The following STKLD1 variants were observed in gnomAD, a reference collection of about 807,000 sequenced individuals.
STKLD1 encodes the protein serine/threonine kinase like domain containing 1.
STKLD1 carries 79 observed loss-of-function variants against 80.4 expected under a neutral mutation model. That is an observed-to-expected ratio of 0.98 (90% CI 0.82 to 1.19). STKLD1 has a LOEUF of 1.19. Ranked by LOEUF, STKLD1 falls within the 50% of genes most tolerant of loss-of-function variation. The pLI, the probability that STKLD1 is intolerant of heterozygous loss-of-function variation, is 0.00. For synonymous variants in STKLD1, 393 were observed against 357.6 expected (o/e 1.10, Z -1.12); for missense variants, 841 against 856.0 (o/e 0.98, Z 0.22).
chr9:133,398,171 T>G (rs1487327595), intron 11 of STKLD1, 116 bp downstream of exon 11: 1 of 906,050 alleles, frequency 1.1e-6, no homozygotes, highest in Non-Finnish European at 1.7e-6. Flanking sequence ...CAGTGCTTTA[T>G]TGCAGCGTGG....
At position 133,387,457 on chromosome 9, in the gene STKLD1, T is replaced by C; in HGVS notation, c.305T>C (p.Leu102Pro). ...CTCCTGTCCCAGCAGATCTCTTCTC[T>C]GTACCTCTGCCTGGTGATGGAGTTC... ...FITWNGEISS[L>P]YLCLVMEFNE... Residue 102 changes from leucine (L) to proline (P), a missense_variant, in exon 5 of 18, where the codon CTG becomes CCG. By Grantham distance (98) the Leu-to-Pro change is moderately conservative. Transcript: ENST00000371957. 6.2e-7 allele frequency: 1 copy of C among 1,613,930 alleles called. No individual in the cohort carries two copies. The highest frequency in any genetic ancestry group is 8.5e-7 in the Non-Finnish European group (1 of 1,179,872).
At chr9:133,392,350 A>T (rs1439481310) in intron 7 of STKLD1, among the ~76,000 whole-genome samples, 1 of 151,808 alleles carries the variant, frequency 6.6e-6, no homozygotes, top group African/African-American at 2.4e-5. Context: ...TACAGGCGTG[A>T]ACCACCGCAC....
rs782584850 is a variant in STKLD1, at chr9:133,399,896, A to AG, written c.1082-509dup. ...TCTGTTTCAAAAAAAAAAAAAAAAG[A>AG]GGGGGGGGTCTTGCTTCGCTCCACA... is the stretch of plus-strand genomic sequence containing the variant. On this transcript the variant is annotated intron_variant, in intron 11 of 17. Coordinates refer to ENST00000371957, the MANE Select transcript of STKLD1 (RefSeq NM_153710.5). Among the ~76,000 whole-genome samples the AG allele has an allele frequency of 3.6e-3, 487 of 134,198 alleles. 1 individual carries two copies. Among genetic ancestry groups the AG allele is most frequent in the African/African-American group, 0.01 (329 of 31,974 alleles). The allele number at this position is 134,198 out of a possible 152,430, so 88.0% of individuals were successfully genotyped here.
Position 133,384,005 on chromosome 9 carries a change from G to A in STKLD1, c.219+105G>A. On this transcript the variant is annotated intron_variant, in intron 3 of 17. Coordinates refer to ENST00000371957, the MANE Select transcript of STKLD1 (RefSeq NM_153710.5). The surrounding 1 kb of genome is among the most constrained non-coding windows in gnomAD (Gnocchi z 4.3). ...GCCTGGATGAAGAGAAGGCTGGAGGGAGGGATAGAGCATCAGCACCAGTTT... is the reference window on the plus strand; with the variant it reads ...GCCTGGATGAAGAGAAGGCTGGAGGAAGGGATAGAGCATCAGCACCAGTTT... The A allele has an allele frequency of 8.8e-7, 1 of 1,134,080 alleles. No homozygotes were observed. The highest frequency in any genetic ancestry group is 1.3e-5 in the South Asian group (1 of 79,470). 70.3% of individuals were successfully genotyped at this position (1,134,080 alleles called of 1,614,324 possible).
chr9:133,385,712 A>C lies in STKLD1; in HGVS notation c.294+21A>C. The C allele has an allele frequency of 2.5e-6, 4 of 1,609,570 alleles. No individual in the cohort carries two copies. Among genetic ancestry groups the C allele is most frequent in the Non-Finnish European group, 3.4e-6 (4 of 1,177,172 alleles). ...GGGAGGTGGGTCAGAGCTGACACCTACGGGCTCAGCCGCCACGCAGTGGGC... is the reference window on the plus strand; with the variant it reads ...GGGAGGTGGGTCAGAGCTGACACCTCCGGGCTCAGCCGCCACGCAGTGGGC... On this transcript the variant is annotated intron_variant, in intron 4 of 17. Coordinates refer to ENST00000371957, the MANE Select transcript of STKLD1 (RefSeq NM_153710.5). The surrounding 1 kb of genome is among the most constrained non-coding windows in gnomAD (Gnocchi z 4.9).
At position 133,394,689 on chromosome 9, in the gene STKLD1, T is replaced by C. The variant is rs1410145344; in HGVS notation, c.702+280T>C. 4.7e-6 allele frequency: 2 copies of C among 426,826 alleles called. No individual in the cohort carries two copies. Among genetic ancestry groups the C allele is most frequent in the South Asian group, 3.3e-5 (1 of 30,656 alleles). The allele number at this position is 426,826 out of a possible 1,614,324, so 26.4% of individuals were successfully genotyped here. A position where few individuals can be genotyped will look rare whatever the true frequency, so the allele number is the denominator to read the frequency against. ...GCCCTCCAGGTGGTGTCACTGACTC[T>C]TGATGGAGAAAAGCCAAGTTCAGGT... On this transcript the variant is annotated intron_variant, in intron 8 of 17. Transcript: ENST00000371957. The surrounding 1 kb of genome is among the most constrained non-coding windows in gnomAD (Gnocchi z 4.9).
At chr9:133,379,783 T>C (rs1287870076) in intron 2 of STKLD1, among the ~76,000 whole-genome samples, 1 of 152,048 alleles carries the variant, frequency 6.6e-6, no homozygotes. Context: ...CAAGAGTCCC[T>C]GGCATGCCCT....
chr9:133,378,354 C>A (rs1399982785), intron 1 of STKLD1, among the ~76,000 whole-genome samples: 1 of 152,214 alleles, frequency 6.6e-6, no homozygotes, highest in Admixed American at 6.5e-5. Context: ...CTCCAGCAAT[C>A]CCCGGCCCAG....
rs1554776398 is a variant in STKLD1 at position 133,394,358 on chromosome 9, C to T, written c.651C>T (p.Ile217=). 1 of 1,613,950 alleles carries T rather than the reference C, an allele frequency of 6.2e-7. No individual in the cohort carries two copies. Among genetic ancestry groups the T allele is most frequent in the Admixed American group, 1.7e-5 (1 of 60,010 alleles). The stretch of plus-strand genomic sequence containing the variant: ...TCTCCTTCAGCCAGAAATCAGACAT[C>T]TGGTCCCTGGGCTGCATCATTCTGG... ...LNFSFSQKSD[I]WSLGCIILDM... is the part of the protein sequence containing the mutation. Residue 217 remains isoleucine, a synonymous_variant, in exon 8 of 18, where the codon ATC becomes ATT. Transcript: ENST00000371957. This position sits in a 1 kb window ranked among gnomAD's most constrained non-coding sequence, Gnocchi z 4.9.
rs1161417963 is a variant in STKLD1, at chr9:133,390,058, C to T, written c.467+462C>T. On this transcript the variant is annotated intron_variant, in intron 6 of 17. Coordinates refer to ENST00000371957, the MANE Select transcript of STKLD1 (RefSeq NM_153710.5). This position sits in a 1 kb window ranked among gnomAD's most constrained non-coding sequence, Gnocchi z 5.1. ...AAAGAGGAAGAGGGAAACTATGCAG[C>T]TGGGCGTGGTGGTGCACGCCTGTGG... Among the ~76,000 whole-genome samples, 1 of 152,164 alleles carries T rather than the reference C, an allele frequency of 6.6e-6. No individual in the cohort carries two copies. The highest frequency in any genetic ancestry group is 1.9e-4 in the East Asian group (1 of 5,194).
chr9:133,395,660 G>C lies in STKLD1; in HGVS notation c.763G>C (p.Val255Leu). Residue 255 changes from valine (V) to leucine (L), a missense_variant, in exon 9 of 18, where the codon GTC becomes CTC. Transcript: ENST00000371957. The part of the protein sequence containing the change: ...LRQSPGSLKA[V>L]LKTMEEKQIP... ...CCAGAGCCCAGGCAGCCTGAAGGCC[G>C]TCCTGAAGACAATGGAGGAGAAGCA... 3 of 1,613,406 alleles carry C rather than the reference G, an allele frequency of 1.9e-6. No homozygotes were observed. The highest frequency in any genetic ancestry group is 1.7e-6 in the Non-Finnish European group (2 of 1,180,010).
intron 1 of STKLD1, among the ~76,000 whole-genome samples, chr9:133,377,085 G>C (rs1837991647): frequency 6.6e-6 from 1 of 152,190 alleles, no homozygotes; most frequent in South Asian, 2.1e-4. Flanking sequence ...CATTCGCTTG[G>C]AAACAGTTTG....
intron 2 of STKLD1, 37 bp downstream of exon 2, chr9:133,379,159 T>C: frequency 6.4e-7 from 1 of 1,569,168 alleles, no homozygotes. Context: ...TGCCGGGTGG[T>C]TCTGTGACTG....
chr9:133,389,122 C>T lies in STKLD1; in HGVS notation c.397-404C>T. 1 of 985,382 alleles carries T rather than the reference C, an allele frequency of 1.0e-6. No homozygotes were observed. The highest frequency in any genetic ancestry group is 1.2e-6 in the Non-Finnish European group (1 of 829,920). The allele number at this position is 985,382 out of a possible 1,614,324, so 61.0% of individuals were successfully genotyped here. ...TAGCATTCTCTCTCAGGGCTCTTTT[C>T]ATTTGAATGACCTAGAGGATTGAGC... On this transcript the variant is annotated intron_variant, in intron 5 of 17. Transcript: ENST00000371957. This position sits in a 1 kb window ranked among gnomAD's most constrained non-coding sequence, Gnocchi z 6.4.
intron 1 of STKLD1, 70 bp downstream of exon 1, chr9:133,376,630 G>C (rs1837965692): frequency 1.4e-5 from 19 of 1,392,650 alleles, no homozygotes; most frequent in South Asian, 8.3e-5. Context: ...AGCTACGGCC[G>C]GCGGTTCCGA....
rs2130273843 is a variant in STKLD1 at position 133,385,122 on chromosome 9, C to A, written c.220-495C>A. ...TAGGTAGGCCACCTGCTTTCATGCCCAACCTTCCACCCCAAGCAGTTGTCT... is the reference window on the plus strand; with the variant it reads ...TAGGTAGGCCACCTGCTTTCATGCCAAACCTTCCACCCCAAGCAGTTGTCT... On this transcript the variant is annotated intron_variant, in intron 3 of 17. Transcript: ENST00000371957. The surrounding 1 kb of genome is among the most constrained non-coding windows in gnomAD (Gnocchi z 4.9). Among the ~76,000 whole-genome samples, 2 of 152,232 alleles carry A rather than the reference C, an allele frequency of 1.3e-5. No individual in the cohort carries two copies. Among genetic ancestry groups the A allele is most frequent in the African/African-American group, 4.8e-5 (2 of 41,462 alleles).
Position 133,403,971 on chromosome 9 carries a change from G to C in STKLD1, c.1655G>C (p.Ser552Thr), listed in dbSNP as rs782326817. 1 of 1,611,464 alleles carries C rather than the reference G, an allele frequency of 6.2e-7. No homozygotes were observed. The change falls in exon 16 of 18, where the codon AGC becomes ACC. Residue 552 changes from serine to threonine, a missense_variant. By Grantham distance (58) the Ser-to-Thr change is moderately conservative. Transcript: ENST00000371957. Reference protein sequence around the residue: ...FEQVVALLLQSIRLCQDRALL... With the variant: ...FEQVVALLLQTIRLCQDRALL... ...CAAGTGGTGGCGCTGCTCCTGCAAA[G>C]CATCCGGCTGTGCCAGGACAGAGCC... is the stretch of plus-strand genomic sequence containing the variant.
intron 11 of STKLD1, 142 bp from the exon 12 acceptor site, chr9:133,400,271 G>A (rs1838665372): frequency 7.6e-6 from 5 of 655,880 alleles, no homozygotes; most frequent in Non-Finnish European, 1.4e-5. Flanking sequence ...TGGACCTAGC[G>A]CTAATCCTCA....
chr9:133,399,601 C>T lies in STKLD1; in HGVS notation c.1082-812C>T, dbSNP rs587595623. On this transcript the variant is annotated intron_variant, in intron 11 of 17. Coordinates refer to ENST00000371957, the MANE Select transcript of STKLD1 (RefSeq NM_153710.5). ...GCTTAGAAATGGGCTTGCAGCCCAG[C>T]GCAGTGGCTCATGCCTGTAATCCCA... 5.9e-3 allele frequency among the ~76,000 whole-genome samples: 900 copies of T among 152,342 alleles called. 8 individuals are homozygous for T. Among genetic ancestry groups the T allele is most frequent in the African/African-American group, 0.02 (815 of 41,576 alleles).
Sources: gnomAD v4.1 joint callset for allele counts (sites outside exome capture counted in the v4.1 genomes callset) on GRCh38, gnomAD v4.1.1 for gene constraint, Gnocchi (gnomAD v3.1) non-coding constraint, MANE v1.5 for transcripts, NCBI Gene and HGNC (gene_info 2026-07-23, HGNC 2026-07-21) for gene names.